Variants in CARM1 observed in about 807,000 individuals in gnomAD.
The protein encoded by CARM1 is histone-arginine methyltransferase CARM1.
A neutral mutation model predicts 72.7 loss-of-function variants in CARM1; 14 were observed. The ratio of observed to expected loss-of-function variants is 0.19; its 90% confidence interval spans 0.13 to 0.30. The LOEUF (loss-of-function observed/expected upper bound fraction) is 0.30. Ranked by LOEUF, CARM1 falls within the 10% of genes least tolerant of loss-of-function variation. CARM1 has a pLI of 1.00. For missense variants in CARM1, 432 were observed against 833.7 expected, an observed-to-expected ratio of 0.52 and a Z score of 5.93; for synonymous variants, 333 against 345.5, an observed-to-expected ratio of 0.96 and a Z score of 0.40.
intron 4 of CARM1, among the ~76,000 whole-genome samples, chr19:10,910,325 AC>A (rs2074138707): frequency 6.6e-6 from 1 of 151,848 alleles, no homozygotes; most frequent in East Asian, 2.0e-4. Context: ...AAAATAAAAT[AC>A]AAAAATTAGC....
At position 10,921,894 on chromosome 19, in the gene CARM1, C is replaced by T. The variant is rs1309064564; in HGVS notation, c.*137C>T. The T allele has an allele frequency of 1.2e-6, 1 of 833,970 alleles. No individual in the cohort carries two copies. The highest frequency in any genetic ancestry group is 2.7e-5 in the East Asian group (1 of 36,542). The allele number at this position is 833,970 out of a possible 1,614,324, so 51.7% of individuals were successfully genotyped here. A position where few individuals can be genotyped will look rare whatever the true frequency, so the allele number is the denominator to read the frequency against. On this transcript the variant is annotated 3_prime_UTR_variant, in exon 16 of 16. Coordinates refer to ENST00000327064, the MANE Select transcript of CARM1 (RefSeq NM_199141.2). ...GCTCTCTTTGCTATGGGAACTGGGA[C>T]ACTTTTTTACACGATGTTGCCGCCG...
chr19:10,881,397 T>TG (rs2073901278), intron 1 of CARM1, among the ~76,000 whole-genome samples: 2 of 152,094 alleles, frequency 1.3e-5, no homozygotes, highest in Non-Finnish European at 2.9e-5. Flanking sequence ...AGCACCTGAT[T>TG]GGGGAGTGGA....
At chr19:10,882,740 C>T (rs1351529394) in intron 1 of CARM1, among the ~76,000 whole-genome samples, 2 of 152,044 alleles carry the variant, frequency 1.3e-5, no homozygotes, top group African/African-American at 2.4e-5. Context: ...CGGGGTTTCA[C>T]CATGTTAGCC....
chr19:10,893,792 C>T (rs889363209), intron 1 of CARM1, among the ~76,000 whole-genome samples: 8 of 152,158 alleles, frequency 5.3e-5, no homozygotes, highest in Non-Finnish European at 7.4e-5. Context: ...AGGCCCTCCA[C>T]GTGGGTTATG....
At position 10,920,779 on chromosome 19, in the gene CARM1, G is replaced by A. The variant is rs559049989; in HGVS notation, c.1424+31G>A. On this transcript the variant is annotated intron_variant, in intron 12 of 15. Transcript: ENST00000327064. The surrounding 1 kb of genome is among the most constrained non-coding windows in gnomAD (Gnocchi z 5.3). ...AGGGGCCCCTTGCCTGCACAGGGGG[G>A]CGCCCCGGCCCTGCAACCCCCTTGC... 6.2e-7 allele frequency: 1 copy of A among 1,613,388 alleles called. No homozygotes were observed. The highest frequency in any genetic ancestry group is 1.7e-5 in the Admixed American group (1 of 60,014).
intron 1 of CARM1, among the ~76,000 whole-genome samples, chr19:10,878,737 G>A (rs1243202885): frequency 6.6e-6 from 1 of 151,694 alleles, no homozygotes; most frequent in African/African-American, 2.4e-5. Context: ...TAATGCTAAA[G>A]TGTGAAGATT....
In CARM1 at chr19:10,883,201, G is replaced by A. The variant is rs140904696; in HGVS notation, c.220+11279G>A. Among the ~76,000 whole-genome samples, 84 of 152,256 alleles carry A rather than the reference G, an allele frequency of 5.5e-4. 1 individual carries two copies. The highest frequency in any genetic ancestry group is 1.7e-3 in the African/African-American group (69 of 41,546). On this transcript the variant is annotated intron_variant, in intron 1 of 15. Transcript: ENST00000327064. ...CTCCCATTAAATGGAGGGGGCTTTC[G>A]AGGATTGGCCCACACCCAACATAGG...
intron 1 of CARM1, among the ~76,000 whole-genome samples, chr19:10,876,752 C>T (rs1163899690): frequency 6.6e-6 from 1 of 152,250 alleles, no homozygotes; most frequent in Non-Finnish European, 1.5e-5. Flanking sequence ...GGCATGGCCT[C>T]TGGAGTTCCT....
At chr19:10,907,705 C>T (rs774109803) in intron 2 of CARM1, among the ~76,000 whole-genome samples, 1 of 152,178 alleles carries the variant, frequency 6.6e-6, no homozygotes, top group Non-Finnish European at 1.5e-5. Context: ...GGCTTATTTG[C>T]CAGAGCTTTG....
chr19:10,906,755 A>G, intron 2 of CARM1, among the ~76,000 whole-genome samples: 1 of 151,794 alleles, frequency 6.6e-6, no homozygotes, highest in Admixed American at 6.6e-5. Context: ...GTGAGCAACC[A>G]TGCCTGACCG....
At chr19:10,898,970 G>GATGGGCAC (rs1041010041) in intron 1 of CARM1, among the ~76,000 whole-genome samples, 3 of 151,892 alleles carry the variant, frequency 2.0e-5, no homozygotes, top group African/African-American at 7.3e-5. Flanking sequence ...CATGAGGAAT[G>GATGGGCAC]ATGGGCACAG....
chr19:10,909,764 CAAA>C (rs2074133745), intron 4 of CARM1, among the ~76,000 whole-genome samples: 1 of 150,332 alleles, frequency 6.7e-6, no homozygotes, highest in East Asian at 2.0e-4. Context: ...ACAAAAAAAA[CAAA>C]AAGCAAGAAA....
chr19:10,903,903 T>C (rs1441550384), intron 1 of CARM1, among the ~76,000 whole-genome samples: 1 of 152,188 alleles, frequency 6.6e-6, no homozygotes, highest in Non-Finnish European at 1.5e-5. Context: ...GGGGTCTTGC[T>C]ATGCTGCCCA....
chr19:10,915,590 C>G lies in CARM1; in HGVS notation c.848-817C>G, dbSNP rs1261679898. Among the ~76,000 whole-genome samples the G allele has an allele frequency of 6.6e-6, 1 of 152,140 alleles. No individual in the cohort carries two copies. The highest frequency in any genetic ancestry group is 2.4e-5 in the African/African-American group (1 of 41,428). On this transcript the variant is annotated intron_variant, in intron 6 of 15. Coordinates refer to ENST00000327064, the MANE Select transcript of CARM1 (RefSeq NM_199141.2). The surrounding 1 kb of genome is among the most constrained non-coding windows in gnomAD (Gnocchi z 4.6). ...CAGAAGCCGCAGCATGTGCATCTCC[C>G]TCCCCGTTCCAGCAGCTGCAGCCCT...
intron 1 of CARM1, among the ~76,000 whole-genome samples, chr19:10,895,854 G>A (rs1009901423): frequency 3.3e-5 from 5 of 152,166 alleles, no homozygotes; most frequent in African/African-American, 7.2e-5. Context: ...GGGCTTGTCC[G>A]GGAAATGCTG....
At chr19:10,877,723 G>C (rs2073874358) in intron 1 of CARM1, among the ~76,000 whole-genome samples, 1 of 151,434 alleles carries the variant, frequency 6.6e-6, no homozygotes, top group Admixed American at 6.6e-5. Context: ...CACCCAGCCT[G>C]TGTTTTATTA....
chr19:10,905,111 C>T, intron 2 of CARM1, 35 bp downstream of exon 2: 1 of 1,606,330 alleles, frequency 6.2e-7, no homozygotes, highest in Non-Finnish European at 8.5e-7. Flanking sequence ...GTGACACCAG[C>T]CCAAAGCGCC....
rs114248403 is a variant in CARM1, at chr19:10,882,039, C to G, written c.220+10117C>G. Among the ~76,000 whole-genome samples, 343 of 152,220 alleles carry G rather than the reference C, an allele frequency of 2.3e-3. 1 individual carries two copies. Among genetic ancestry groups the G allele is most frequent in the African/African-American group, 8.0e-3 (334 of 41,534 alleles). On this transcript the variant is annotated intron_variant, in intron 1 of 15. Coordinates refer to ENST00000327064, the MANE Select transcript of CARM1 (RefSeq NM_199141.2). ...GGCAGAGTCGTGCTTGTGGTAAGAG[C>G]TCTAGCAGGGGCCAGCTGGCAAGTC...
intron 3 of CARM1, chr19:10,908,447 C>T: frequency 3.1e-6 from 1 of 318,718 alleles, no homozygotes; most frequent in Non-Finnish European, 6.0e-6. Context: ...TGAGCGCTCC[C>T]TGCATGCCAG....
Sources: allele counts gnomAD v4.1 joint callset (sites outside exome capture counted in the v4.1 genomes callset), GRCh38; gene constraint gnomAD v4.1.1; non-coding constraint Gnocchi (gnomAD v3.1); transcripts MANE v1.5; gene names NCBI Gene and HGNC (gene_info 2026-07-23, HGNC 2026-07-21).